Variants in AP1M1 observed in about 807,000 individuals in gnomAD.
AP1M1 encodes AP-1 complex subunit mu-1.
Under a neutral mutation model 57.1 loss-of-function variants are expected in AP1M1, and 18 were observed. The observed-to-expected ratio is 0.32, with a 90% CI of 0.22 to 0.47. The LOEUF is 0.47. Ranked by LOEUF, AP1M1 falls within the 20% of genes least tolerant of loss-of-function variation. The probability of loss-of-function intolerance (pLI) is 1.00; values close to 1 mark genes in which losing one functional copy is unlikely to be tolerated. For synonymous variants in AP1M1, 241 were observed against 237.9 expected, an observed-to-expected ratio of 1.01 and a Z score of -0.12; for missense variants, 362 against 593.5, an observed-to-expected ratio of 0.61 and a Z score of 4.05.
rs1568354608 is a variant in AP1M1, at chr19:16,227,124, G to T, written c.674-424G>T. Among the ~76,000 whole-genome samples the T allele has an allele frequency of 6.6e-6, 1 of 152,172 alleles. No homozygotes were observed. Among genetic ancestry groups the T allele is most frequent in the Non-Finnish European group, 1.5e-5 (1 of 67,994 alleles). On this transcript the variant is annotated intron_variant, in intron 6 of 11. Transcript: ENST00000291439. The surrounding 1 kb of genome is among the most constrained non-coding windows in gnomAD (Gnocchi z 6.2). ...AGTCTATCAGGGCAGCTCCCCGCCT[G>T]GGGCTGGGCAGGGCCCCACCCACAT...
At chr19:16,216,124 A>G (rs569970226) in intron 5 of AP1M1, among the ~76,000 whole-genome samples, 20 of 152,248 alleles carry the variant, frequency 1.3e-4, no homozygotes, top group East Asian at 5.8e-4. Flanking sequence ...CCTAATCTCA[A>G]TGATCTTTGT....
chr19:16,208,691 G>A (rs73519719), intron 4 of AP1M1, among the ~76,000 whole-genome samples: 2,251 of 152,284 alleles, frequency 0.015, 32 homozygotes, highest in Middle Eastern at 0.065. Flanking sequence ...ACTCCGAGGC[G>A]TCAGTTCCAT....
chr19:16,228,689 G>A lies in AP1M1; in HGVS notation c.889-81G>A. 2 of 1,547,506 alleles carry A rather than the reference G, an allele frequency of 1.3e-6. No homozygotes were observed. Among genetic ancestry groups the A allele is most frequent in the Non-Finnish European group, 8.8e-7 (1 of 1,132,022 alleles). On this transcript the variant is annotated intron_variant, in intron 8 of 11. Transcript: ENST00000291439. The surrounding 1 kb of genome is among the most constrained non-coding windows in gnomAD (Gnocchi z 5.0). ...GGCTAGGGAGGATCCCCCGGGCCAG[G>A]CTGAGGGGCATGTGTCCTGGAGAGG...
In AP1M1 at chr19:16,226,740, G is replaced by A. The variant is rs575241054; in HGVS notation, c.673+193G>A. On this transcript the variant is annotated intron_variant, in intron 6 of 11. Transcript: ENST00000291439. ...CTGGACATAGAAGGTGCAGGGGAGT[G>A]AAGATCCTCCAGTCCAGCTGGGAGG... The A allele has an allele frequency of 6.4e-5, 46 of 721,870 alleles. No homozygotes were observed. In the African/African-American group the frequency reaches 6.9e-4, roughly 11 times the overall value. 44.7% of individuals were successfully genotyped at this position (721,870 alleles called of 1,614,324 possible).
At chr19:16,205,278 G>C (rs992383783) in intron 2 of AP1M1, among the ~76,000 whole-genome samples, 35 of 152,136 alleles carry the variant, frequency 2.3e-4, no homozygotes, top group Non-Finnish European at 3.8e-4. Flanking sequence ...GGGCATCTAG[G>C]GAAGAGACAG....
intron 5 of AP1M1, among the ~76,000 whole-genome samples, chr19:16,219,398 GTT>G (rs71178659): frequency 4.7e-5 from 1 of 21,474 alleles, no homozygotes; most frequent in Admixed American, 6.2e-4. Flanking sequence ...TTGTTTTTTT[GTT>G]TTTTTTTTTT....
At position 16,227,564 on chromosome 19, in the gene AP1M1, C is replaced by T. The variant is rs61735380; in HGVS notation, c.690C>T (p.Ser230=). Reference sequence around the variant, plus strand: ...TGACCCCAGGCGGCAAAAGCAAATCCGTGGAGCTGGAGGATGTGAAGTTCC... The same window carrying T: ...TGACCCCAGGCGGCAAAAGCAAATCTGTGGAGCTGGAGGATGTGAAGTTCC... ...FDNTGRGKSK[S]VELEDVKFHQ... is the part of the protein sequence containing the mutation. Residue 230 remains serine (S), a synonymous_variant, in exon 7 of 12, where the codon TCC becomes TCT. Coordinates refer to ENST00000291439, the MANE Select transcript of AP1M1 (RefSeq NM_032493.4). The surrounding 1 kb of genome is among the most constrained non-coding windows in gnomAD (Gnocchi z 6.2). 23 of 1,613,752 alleles carry T rather than the reference C, an allele frequency of 1.4e-5. No individual in the cohort carries two copies. The highest frequency in any genetic ancestry group is 1.2e-4 in the South Asian group (11 of 91,088).
chr19:16,243,515 G>A lies in AP1M1; in HGVS notation c.*9080G>A, dbSNP rs2091652681. ...GCTGGTCTTGCACTTGGGCTCAAGT[G>A]ATCCACCTGCCTCAGCCTCCACAGT... On this transcript the variant is annotated 3_prime_UTR_variant, in exon 12 of 12. Coordinates refer to ENST00000291439, the MANE Select transcript of AP1M1 (RefSeq NM_032493.4). 2 of 150,026 alleles carry A rather than the reference G, an allele frequency of 1.3e-5. No individual in the cohort carries two copies. Among genetic ancestry groups the A allele is most frequent in the African/African-American group, 4.9e-5 (2 of 40,964 alleles). 9.3% of individuals were successfully genotyped at this position (150,026 alleles called of 1,614,324 possible).
Position 16,226,426 on chromosome 19 carries a change from C to T in AP1M1, c.552C>T (p.Ser184=), listed in dbSNP as rs757965926. 7 of 1,538,782 alleles carry T rather than the reference C, an allele frequency of 4.5e-6. No homozygotes were observed. In the Admixed American group the frequency reaches 5.7e-5, roughly 13 times the overall value. Residue 184 remains serine (S), a synonymous_variant, in exon 6 of 12, where the codon AGC becomes AGT. Transcript: ENST00000291439. ...GCCCACACCGCCACCCCCAGGTCAG[C>T]GCCAACGGCAATGTCCTGCGCAGCG... ...DVIESVNLLV[S]ANGNVLRSEI...
In AP1M1 at chr19:16,237,065, C is replaced by G. The variant is rs1599469966; in HGVS notation, c.*2630C>G. On this transcript the variant is annotated 3_prime_UTR_variant, in exon 12 of 12. Transcript: ENST00000291439. ...ATAATTTGCATGCGGGTTATAACGT[C>G]TACAAATCAGAAAAAGAGAACCTAA... 6.6e-6 allele frequency: 1 copy of G among 152,318 alleles called. No individual in the cohort carries two copies. The highest frequency in any genetic ancestry group is 1.9e-4 in the East Asian group (1 of 5,190). The allele number at this position is 152,318 out of a possible 1,614,324, so 9.4% of individuals were successfully genotyped here.
At chr19:16,211,580 G>A (rs909379001) in intron 5 of AP1M1, among the ~76,000 whole-genome samples, 1 of 151,784 alleles carries the variant, frequency 6.6e-6, no homozygotes, top group Non-Finnish European at 1.5e-5. Flanking sequence ...GGTAGCTCCC[G>A]CTCTACTAAA....
Position 16,203,573 on chromosome 19 carries a change from G to T in AP1M1, c.157G>T (p.Gly53Trp). 1.9e-6 allele frequency: 3 copies of T among 1,613,100 alleles called. No individual in the cohort carries two copies. The highest frequency in any genetic ancestry group is 2.5e-6 in the Non-Finnish European group (3 of 1,179,492). Residue 53 changes from glycine to tryptophan, a missense_variant, in exon 2 of 12, where the codon GGG (glycine) becomes TGG (tryptophan). This residue lies in a region of AP1M1 where 337 missense variants were observed against 511.1 expected (regional missense o/e 0.66). Coordinates refer to ENST00000291439, the MANE Select transcript of AP1M1 (RefSeq NM_032493.4). The surrounding 1 kb of genome is among the most constrained non-coding windows in gnomAD (Gnocchi z 4.6). ...EGMLSPILAH[G>W]GVRFMWIKHN... is the part of the protein sequence containing the mutation. Reference sequence around the variant, plus strand: ...GATGCTGTCGCCCATCCTGGCCCACGGGGGGGTCCGTTTCATGTGGATCAA... The same window carrying T: ...GATGCTGTCGCCCATCCTGGCCCACTGGGGGGTCCGTTTCATGTGGATCAA...
At chr19:16,219,239 A>G (rs1245920457) in intron 5 of AP1M1, among the ~76,000 whole-genome samples, 1 of 152,140 alleles carries the variant, frequency 6.6e-6, no homozygotes, top group African/African-American at 2.4e-5. Flanking sequence ...CCCATTGGTC[A>G]TAGTGTATTA....
intron 9 of AP1M1, among the ~76,000 whole-genome samples, chr19:16,229,818 C>T (rs2091588369): frequency 6.6e-6 from 1 of 152,202 alleles, no homozygotes; most frequent in Admixed American, 6.5e-5. Context: ...GCGTATTTTG[C>T]TTTTCCTCAT....
At chr19:16,225,826 C>G (rs1473220359) in intron 5 of AP1M1, among the ~76,000 whole-genome samples, 2 of 152,122 alleles carry the variant, frequency 1.3e-5, no homozygotes, top group African/African-American at 4.8e-5. Flanking sequence ...CTCTCATAAG[C>G]CCTGGGGGGT....
At chr19:16,217,487 G>A (rs2091523933) in intron 5 of AP1M1, among the ~76,000 whole-genome samples, 1 of 152,126 alleles carries the variant, frequency 6.6e-6, no homozygotes, top group Non-Finnish European at 1.5e-5. Flanking sequence ...CAGTGGGAGC[G>A]GGGCTCAGGT....
Position 16,207,413 on chromosome 19 carries a change from C to T in AP1M1, c.268-606C>T, listed in dbSNP as rs1421004919. Among the ~76,000 whole-genome samples the T allele has an allele frequency of 2.6e-5, 4 of 151,820 alleles. No individual in the cohort carries two copies. Among genetic ancestry groups the T allele is most frequent in the African/African-American group, 9.7e-5 (4 of 41,316 alleles). ...CTGCCTGTGGTTTCCAAGCAGAGGC[C>T]GGGTGATCACAGTCCTGAAGCGCGC... On this transcript the variant is annotated intron_variant, in intron 3 of 11. Transcript: ENST00000291439. This position sits in a 1 kb window ranked among gnomAD's most constrained non-coding sequence, Gnocchi z 4.2.
At chr19:16,204,882 G>C (rs1401531498) in intron 2 of AP1M1, among the ~76,000 whole-genome samples, 2 of 150,858 alleles carry the variant, frequency 1.3e-5, no homozygotes, top group Non-Finnish European at 3.0e-5. Context: ...CCAGGCTGGA[G>C]TGCAGTGGCG....
chr19:16,209,043 G>A lies in AP1M1; in HGVS notation c.412G>A (p.Glu138Lys), dbSNP rs1482127931. 1.2e-6 allele frequency: 2 copies of A among 1,613,942 alleles called. No homozygotes were observed. The highest frequency in any genetic ancestry group is 1.7e-5 in the Admixed American group (1 of 60,000). The change falls in exon 5 of 12, where the codon GAA becomes AAA. Residue 138 changes from glutamate to lysine, a missense_variant. Coordinates refer to ENST00000291439, the MANE Select transcript of AP1M1 (RefSeq NM_032493.4). Reference sequence around the variant, plus strand: ...GTGGCCCCACAGGTACATCACTCAGGAAGGCCACAAGCTGGAAACAGGGGC... The same window carrying A: ...GTGGCCCCACAGGTACATCACTCAGAAAGGCCACAAGCTGGAAACAGGGGC... The part of the protein sequence containing the change: ...SKILQEYITQ[E>K]GHKLETGAPR...
Sources: gnomAD v4.1 joint callset for allele counts (sites outside exome capture counted in the v4.1 genomes callset) on GRCh38, gnomAD v4.1.1 for gene constraint, gnomAD v4.1.1 regional missense constraint, Gnocchi (gnomAD v3.1) non-coding constraint, MANE v1.5 for transcripts, NCBI Gene and HGNC (gene_info 2026-07-23, HGNC 2026-07-21) for gene names.